Variants in ATP1A3 observed in about 807,000 individuals in gnomAD.
ATP1A3 encodes ATPase Na+/K+ transporting subunit alpha 3, also known as sodium/potassium-transporting ATPase subunit alpha-3.
A neutral mutation model predicts 108.8 loss-of-function variants in ATP1A3; 12 were observed. The ratio of observed to expected loss-of-function variants is 0.11; its 90% CI spans 0.07 to 0.18. The LOEUF (loss-of-function observed/expected upper bound fraction) is 0.18, where lower values mean the gene tolerates loss of function less well. Ranked by LOEUF, ATP1A3 falls within the 10% of genes least tolerant of loss-of-function variation. The pLI is 1.00. For synonymous variants in ATP1A3, 539 were observed against 564.5 expected (o/e 0.95, Z 0.64); for missense variants, 498 against 1,387.7 (o/e 0.36, Z 10.19).
At chr19:41,990,343 T>TTCTC (rs1159229739) in intron 1 of ATP1A3, among the ~76,000 whole-genome samples, 1 of 131,136 alleles carries the variant, frequency 7.6e-6, no homozygotes, top group Non-Finnish European at 1.7e-5. Context: ...CTCTTTCTCT[T>TTCTC]TCTCTCTCTC....
chr19:41,993,967 C>T lies in ATP1A3; in HGVS notation c.6+104G>A, dbSNP rs1025862309. On this transcript the variant is annotated intron_variant, in intron 1 of 22. Coordinates refer to ENST00000648268, the MANE Select transcript of ATP1A3 (RefSeq NM_152296.5). ...GGCTCCCCGGGTCTCGCAGGCCTGG[C>T]CCCGGAGCGCAGGGGTCCCGGTGCC... 12 of 1,560,324 alleles carry T rather than the reference C, an allele frequency of 7.7e-6. No individual in the cohort carries two copies. In the East Asian group the frequency reaches 1.5e-4, roughly 19 times the overall value.
rs79461317 is a variant in ATP1A3, at chr19:41,985,573, G to A, written c.607-150C>T. Reference sequence around the variant, plus strand: ...TGGGTGAGTGGTGTGTGGGAGGCCAGAGGCTGGGATCTTGAAGGTGGGGAA... The same window carrying A: ...TGGGTGAGTGGTGTGTGGGAGGCCAAAGGCTGGGATCTTGAAGGTGGGGAA... On this transcript the variant is annotated intron_variant, in intron 6 of 22. Transcript: ENST00000648268. This position sits in a 1 kb window ranked among gnomAD's most constrained non-coding sequence, Gnocchi z 8.2. The A allele has an allele frequency of 2.1e-4, 187 of 897,350 alleles. 1 individual carries two copies. In the African/African-American group the frequency reaches 2.7e-3, roughly 13 times the overall value. 55.6% of individuals were successfully genotyped at this position (897,350 alleles called of 1,614,324 possible).
chr19:41,967,606 G>T lies in ATP1A3; in HGVS notation c.2921+56C>A. On this transcript the variant is annotated intron_variant, in intron 21 of 22. Coordinates refer to ENST00000648268, the MANE Select transcript of ATP1A3 (RefSeq NM_152296.5). The surrounding 1 kb of genome is among the most constrained non-coding windows in gnomAD (Gnocchi z 4.2). The stretch of plus-strand genomic sequence containing the variant: ...CCTGAGGTTCAGGCTGAGTCTAAGG[G>T]AAGGCTCCATGGCAGGCGCTGGTGT... 6.3e-7 allele frequency: 1 copy of T among 1,575,012 alleles called. No homozygotes were observed. The highest frequency in any genetic ancestry group is 1.1e-5 in the South Asian group (1 of 89,390).
chr19:41,990,692 A>G (rs1353970040), intron 1 of ATP1A3, among the ~76,000 whole-genome samples: 1 of 148,498 alleles, frequency 6.7e-6, no homozygotes, highest in Non-Finnish European at 1.5e-5. Context: ...ATATATATAT[A>G]TATCTGTCTC....
chr19:41,983,022 G>A (rs781845432), intron 8 of ATP1A3, among the ~76,000 whole-genome samples: 3 of 152,048 alleles, frequency 2.0e-5, no homozygotes, highest in Non-Finnish European at 2.9e-5. Context: ...AATCCTTTGC[G>A]TATAAAAATC....
Position 41,978,067 on chromosome 19 carries a change from G to T in ATP1A3, c.1812C>A (p.Ile604=), listed in dbSNP as rs1397191126. 6.2e-7 allele frequency: 1 copy of T among 1,614,258 alleles called. No individual in the cohort carries two copies. Among genetic ancestry groups the T allele is most frequent in the Admixed American group, 1.7e-5 (1 of 60,032 alleles). ...GKCRSAGIKV[I]MVTGDHPITA... ...TGATGGGGTGATCGCCGGTGACCAT[G>T]ATGACCTGCAGGCATTGTTTTTTAG... Residue 604 remains isoleucine (I), a synonymous_variant, in exon 14 of 23, where the codon ATC becomes ATA. Coordinates refer to ENST00000648268, the MANE Select transcript of ATP1A3 (RefSeq NM_152296.5). The surrounding 1 kb of genome is among the most constrained non-coding windows in gnomAD (Gnocchi z 8.3).
At chr19:41,990,173 G>A (rs1268917795) in intron 1 of ATP1A3, among the ~76,000 whole-genome samples, 1 of 151,736 alleles carries the variant, frequency 6.6e-6, no homozygotes, top group Non-Finnish European at 1.5e-5. Flanking sequence ...CTCCCTACCT[G>A]TCTCTTTTCC....
intron 8 of ATP1A3, among the ~76,000 whole-genome samples, chr19:41,983,223 G>A (rs1448992874): frequency 2.6e-5 from 4 of 151,572 alleles, no homozygotes; most frequent in African/African-American, 7.3e-5. Context: ...GATTACAGGC[G>A]CCCACCATCA....
intron 4 of ATP1A3, chr19:41,986,477 C>G: frequency 2.5e-6 from 1 of 400,024 alleles, no homozygotes; most frequent in Non-Finnish European, 4.8e-6. Context: ...GAGTCTCACT[C>G]TGTCGCCCAG....
At chr19:41,977,746 C>T (rs914189595) in intron 14 of ATP1A3, among the ~76,000 whole-genome samples, 190 bp downstream of exon 14, 4 of 152,140 alleles carry the variant, frequency 2.6e-5, no homozygotes, top group African/African-American at 9.7e-5. Flanking sequence ...GGGATGCAAA[C>T]CTATGCCTGG....
Position 41,978,318 on chromosome 19 carries a change from G to A in ATP1A3, c.1639C>T (p.His547Tyr). 1 of 1,601,620 alleles carries A rather than the reference G, an allele frequency of 6.2e-7. No homozygotes were observed. Among genetic ancestry groups the A allele is most frequent in the Admixed American group, 1.8e-5 (1 of 56,724 alleles). ...AACTGCTCCTCGGGCAGGTAATAAT[G>A]GCAGAAACCTAGTGGCAGGGAAGGG... ...GLGERVLGFC[H>Y]YYLPEEQFPK... Residue 547 changes from histidine to tyrosine, a missense_variant, in exon 13 of 23, where the codon CAT (histidine) becomes TAT (tyrosine). Physicochemically the swap from His to Tyr is moderately conservative, Grantham distance 83. Around this residue, in one of 9 missense-constraint regions of ATP1A3, gnomAD observed 92 missense variants for 168.7 expected, o/e 0.55. Coordinates refer to ENST00000648268, the MANE Select transcript of ATP1A3 (RefSeq NM_152296.5). The surrounding 1 kb of genome is among the most constrained non-coding windows in gnomAD (Gnocchi z 8.3).
chr19:41,988,031 C>T lies in ATP1A3; in HGVS notation c.262G>A (p.Gly88Arg). The change falls in exon 4 of 23, where the codon GGG (glycine) becomes AGG (arginine). Residue 88 changes from glycine to arginine, a missense_variant. Physicochemically the swap from Gly to Arg is moderately radical, Grantham distance 125. Coordinates refer to ENST00000648268, the MANE Select transcript of ATP1A3 (RefSeq NM_152296.5). This position sits in a 1 kb window ranked among gnomAD's most constrained non-coding sequence, Gnocchi z 5.3. ...EWVKFCRQLF[G>R]GFSILLWIGA... ...ATCCACAGCAGGATGGAGAAGCCCC[C>T]GAAGAGCTGCCGGCAAAACTTGACC... 1.2e-6 allele frequency: 2 copies of T among 1,614,108 alleles called. No homozygotes were observed. The highest frequency in any genetic ancestry group is 1.7e-6 in the Non-Finnish European group (2 of 1,180,018).
chr19:41,976,669 G>A lies in ATP1A3; in HGVS notation c.1944-103C>T, dbSNP rs1237983224. On this transcript the variant is annotated intron_variant, in intron 14 of 22. Transcript: ENST00000648268. ...ACAGAGGGGCCAGCCCCACAACCAGGAGAGCCAGAGGACCAGGGGCTGGGG... is the reference window on the plus strand; with the variant it reads ...ACAGAGGGGCCAGCCCCACAACCAGAAGAGCCAGAGGACCAGGGGCTGGGG... The A allele has an allele frequency of 8.5e-6, 13 of 1,525,790 alleles. No individual in the cohort carries two copies. In the East Asian group the frequency reaches 1.6e-4, roughly 19 times the overall value. 94.5% of individuals were successfully genotyped at this position (1,525,790 alleles called of 1,614,324 possible). A position where few individuals can be genotyped will look rare whatever the true frequency, so the allele number is the denominator to read the frequency against.
rs782458871 is a variant in ATP1A3, at chr19:41,970,594, C to T, written c.2264-52G>A. ...GCGCCCATGCCAGGGAGCCCCACTCCCTCTGCCCCTCCTCTGCCCTCATCC... is the reference window on the plus strand; with the variant it reads ...GCGCCCATGCCAGGGAGCCCCACTCTCTCTGCCCCTCCTCTGCCCTCATCC... On this transcript the variant is annotated intron_variant, in intron 16 of 22. Transcript: ENST00000648268. 17 of 1,606,442 alleles carry T rather than the reference C, an allele frequency of 1.1e-5. No homozygotes were observed. In the Admixed American group the frequency reaches 1.7e-4, roughly 16 times the overall value.
intron 14 of ATP1A3, 75 bp downstream of exon 14, chr19:41,977,861 G>A: frequency 3.2e-6 from 5 of 1,575,304 alleles, no homozygotes; most frequent in Non-Finnish European, 4.3e-6. Context: ...GCAGAGGGAG[G>A]TTGGGGGGAA....
chr19:41,975,859 A>T lies in ATP1A3; in HGVS notation c.2095-62T>A. ...CAGTCCCCAGAGTCCCCTCCCTCAG[A>T]TCCAGAAGCCCAGGACCCCAGCCCC... On this transcript the variant is annotated intron_variant, in intron 15 of 22. Coordinates refer to ENST00000648268, the MANE Select transcript of ATP1A3 (RefSeq NM_152296.5). 1.9e-6 allele frequency: 3 copies of T among 1,608,258 alleles called. No homozygotes were observed. The South Asian group carries it at 3.3e-5, about 18-fold the overall frequency.
Position 41,981,380 on chromosome 19 carries a change from C to A in ATP1A3, c.1437+122G>T. 2 of 1,484,844 alleles carry A rather than the reference C, an allele frequency of 1.3e-6. No homozygotes were observed. Among genetic ancestry groups the A allele is most frequent in the Non-Finnish European group, 1.9e-6 (2 of 1,071,046 alleles). 92.0% of individuals were successfully genotyped at this position (1,484,844 alleles called of 1,614,324 possible). On this transcript the variant is annotated intron_variant, in intron 11 of 22. Transcript: ENST00000648268. This position sits in a 1 kb window ranked among gnomAD's most constrained non-coding sequence, Gnocchi z 5.0. ...CTCAAGCTCTCCCTGTTCCTCTCCC[C>A]ACCAGGCGGGTATTATCATTCCCAT...
intron 16 of ATP1A3, among the ~76,000 whole-genome samples, chr19:41,972,767 A>AAGGGG (rs1381256315): frequency 2.1e-5 from 3 of 142,220 alleles, no homozygotes; most frequent in Non-Finnish European, 3.1e-5. Flanking sequence ...CCATCAAAAA[A>AAGGGG]AGGGGAGGGG....
At chr19:41,993,677 A>G (rs1568870307) in intron 1 of ATP1A3, 1 of 610,096 alleles carries the variant, frequency 1.6e-6, no homozygotes, top group Non-Finnish European at 2.9e-6. Flanking sequence ...ACGCACTAAC[A>G]CGAGCTCTCA....
Sources: gnomAD v4.1 joint callset for allele counts (sites outside exome capture counted in the v4.1 genomes callset) on GRCh38, gnomAD v4.1.1 for gene constraint, gnomAD v4.1.1 regional missense constraint, Gnocchi (gnomAD v3.1) non-coding constraint, MANE v1.5 for transcripts, NCBI Gene and HGNC (gene_info 2026-07-23, HGNC 2026-07-21) for gene names.